PCP4: variants seen among roughly 807,000 people sequenced by gnomAD.
PCP4 encodes the protein calmodulin regulator protein PCP4.
In PCP4, 8 loss-of-function variants were observed where a neutral mutation model predicts 10.0. That is an observed-to-expected ratio of 0.80 (90% CI 0.47 to 1.45). The LOEUF is 1.45. PCP4 is among the 40% of genes most tolerant of loss of function. PCP4 has a pLI of 0.00. For missense variants in PCP4, 54 were observed against 74.4 expected (o/e 0.73, Z 1.01); for synonymous variants, 21 against 23.0 (o/e 0.91, Z 0.24).
intron 2 of PCP4, among the ~76,000 whole-genome samples, chr21:39,915,532 A>G (rs1345368851): frequency 2.0e-5 from 3 of 152,230 alleles, no homozygotes; most frequent in Non-Finnish European, 4.4e-5. Context: ...TTTCTCTGTC[A>G]TATAGAAGGA....
intron 1 of PCP4, among the ~76,000 whole-genome samples, chr21:39,870,911 G>A (rs1043828982): frequency 1.4e-4 from 22 of 152,176 alleles, no homozygotes; most frequent in African/African-American, 5.1e-4. Flanking sequence ...TCTTTCTTTC[G>A]TCTAGACATT....
At chr21:39,925,485 C>A (rs1432957203) in intron 2 of PCP4, among the ~76,000 whole-genome samples, 5 of 152,214 alleles carry the variant, frequency 3.3e-5, no homozygotes, top group Non-Finnish European at 7.3e-5. Flanking sequence ...ACAAGGCGGA[C>A]AAAGTCCCGG....
At chr21:39,921,720 G>A (rs982630099) in intron 2 of PCP4, among the ~76,000 whole-genome samples, 6 of 152,170 alleles carry the variant, frequency 3.9e-5, no homozygotes, top group African/African-American at 1.4e-4. Flanking sequence ...ACAGCAAAAA[G>A]GTGGAGAGAG....
chr21:39,884,063 G>A (rs538842500), intron 1 of PCP4, among the ~76,000 whole-genome samples: 4 of 152,284 alleles, frequency 2.6e-5, no homozygotes, highest in Admixed American at 2.6e-4. Flanking sequence ...GATTACCTGG[G>A]TAGTTGGATT....
intron 2 of PCP4, among the ~76,000 whole-genome samples, chr21:39,925,802 T>C (rs1368879714): frequency 6.6e-6 from 1 of 152,086 alleles, no homozygotes. Flanking sequence ...GCCACCCTGC[T>C]CCTGTGGCCT....
intron 2 of PCP4, among the ~76,000 whole-genome samples, chr21:39,920,915 C>A (rs916530953): frequency 2.0e-5 from 3 of 152,250 alleles, no homozygotes; most frequent in African/African-American, 7.2e-5. Flanking sequence ...CAGGATGGCT[C>A]CTTGGCAGAG....
intron 2 of PCP4, among the ~76,000 whole-genome samples, chr21:39,917,420 C>T (rs2087574420): frequency 6.6e-6 from 1 of 152,192 alleles, no homozygotes; most frequent in South Asian, 2.1e-4. Flanking sequence ...GGCAGACTTC[C>T]ACCCCTGAGA....
chr21:39,889,575 C>A (rs1327722888), intron 1 of PCP4, among the ~76,000 whole-genome samples: 2 of 149,888 alleles, frequency 1.3e-5, no homozygotes, highest in Non-Finnish European at 3.0e-5. Context: ...CACCACCACG[C>A]CTGGCTAATT....
At chr21:39,891,648 C>T (rs956316501) in intron 1 of PCP4, among the ~76,000 whole-genome samples, 1 of 152,186 alleles carries the variant, frequency 6.6e-6, no homozygotes. Context: ...AACGGCTGGG[C>T]TGGCCGTTAT....
chr21:39,888,893 G>T (rs1725039335), intron 1 of PCP4, among the ~76,000 whole-genome samples: 1 of 152,116 alleles, frequency 6.6e-6, no homozygotes, highest in African/African-American at 2.4e-5. Context: ...TTTGCACATT[G>T]GTAAAGGTAC....
intron 2 of PCP4, among the ~76,000 whole-genome samples, chr21:39,922,943 A>T (rs2087603584): frequency 6.6e-6 from 1 of 152,164 alleles, no homozygotes; most frequent in South Asian, 2.1e-4. Flanking sequence ...AGCTATAGTG[A>T]TCAATAAGTC....
intron 1 of PCP4, among the ~76,000 whole-genome samples, chr21:39,891,800 C>T (rs1244296884): frequency 6.6e-6 from 1 of 152,204 alleles, no homozygotes; most frequent in Non-Finnish European, 1.5e-5. Flanking sequence ...CAGCATAGGT[C>T]AGCGTTTTCT....
chr21:39,881,892 C>T (rs958133838), intron 1 of PCP4, among the ~76,000 whole-genome samples: 8 of 152,272 alleles, frequency 5.3e-5, no homozygotes, highest in Non-Finnish European at 1.2e-4. Context: ...TCAATCTGCC[C>T]AGACTCAAAT....
intron 2 of PCP4, among the ~76,000 whole-genome samples, chr21:39,903,590 T>C (rs961491821): frequency 1.3e-5 from 2 of 152,078 alleles, no homozygotes; most frequent in South Asian, 2.1e-4. Context: ...TGATTTGGGC[T>C]GGGCGCGGTG....
In PCP4 at chr21:39,885,010, A is replaced by T. The variant is rs1393457186; in HGVS notation, c.10-13466A>T. On this transcript the variant is annotated intron_variant, in intron 1 of 2. Coordinates refer to ENST00000328619, the MANE Select transcript of PCP4 (RefSeq NM_006198.3). ...TCATATCAGCTTTTAAGTCAATTAAATCTCATAGTGCGACAGTTTATAAAT... is the reference window on the plus strand; with the variant it reads ...TCATATCAGCTTTTAAGTCAATTAATTCTCATAGTGCGACAGTTTATAAAT... Among the ~76,000 whole-genome samples, 3 of 152,204 alleles carry T rather than the reference A, an allele frequency of 2.0e-5. No homozygotes were observed. In the East Asian group the frequency reaches 5.8e-4, roughly 29 times the overall value.
rs768259290 is a variant in PCP4 at position 39,898,514 on chromosome 21, A to T, written c.48A>T (p.Thr16=). 6 of 1,613,888 alleles carry T rather than the reference A, an allele frequency of 3.7e-6. No individual in the cohort carries two copies. In the African/African-American group the frequency reaches 8.0e-5, roughly 22 times the overall value. The part of the protein sequence containing the change: ...GAGATNGKDK[T]SGENDGQKKV... Reference sequence around the variant, plus strand: ...GGGCAACCAATGGAAAAGACAAGACATCTGGTGAAAATGGTAAGAGGACAT... The same window carrying T: ...GGGCAACCAATGGAAAAGACAAGACTTCTGGTGAAAATGGTAAGAGGACAT... Residue 16 remains threonine, a synonymous_variant, in exon 2 of 3, where the codon ACA becomes ACT. Transcript: ENST00000328619.
rs2087508901 is a variant in PCP4, at chr21:39,906,256, A to G, written c.61+7729A>G. 6.6e-6 allele frequency among the ~76,000 whole-genome samples: 1 copy of G among 152,206 alleles called. No individual in the cohort carries two copies. The highest frequency in any genetic ancestry group is 2.1e-4 in the South Asian group (1 of 4,832). Reference sequence around the variant, plus strand: ...CTTTCTCCTGACTTCCCTCTTGACCAGGGTCTTGTTTGTAAATGGGCAACT... The same window carrying G: ...CTTTCTCCTGACTTCCCTCTTGACCGGGGTCTTGTTTGTAAATGGGCAACT... On this transcript the variant is annotated intron_variant, in intron 2 of 2. Coordinates refer to ENST00000328619, the MANE Select transcript of PCP4 (RefSeq NM_006198.3). This position sits in a 1 kb window ranked among gnomAD's most constrained non-coding sequence, Gnocchi z 6.3.
chr21:39,889,680 T>C (rs946542532), intron 1 of PCP4, among the ~76,000 whole-genome samples: 1 of 152,116 alleles, frequency 6.6e-6, no homozygotes, highest in African/African-American at 2.4e-5. Context: ...CCTCCCAAAG[T>C]GCTGGGATTA....
chr21:39,914,582 A>AAAAG (rs1555850141), intron 2 of PCP4, among the ~76,000 whole-genome samples: 2 of 151,424 alleles, frequency 1.3e-5, no homozygotes. Context: ...TCAAAAAAAA[A>AAAAG]AAAAAGAAAA....
Sources: allele counts gnomAD v4.1 joint callset (sites outside exome capture counted in the v4.1 genomes callset), GRCh38; gene constraint gnomAD v4.1.1; non-coding constraint Gnocchi (gnomAD v3.1); transcripts MANE v1.5; gene names NCBI Gene and HGNC (gene_info 2026-07-23, HGNC 2026-07-21).